The following SCN1A variants were observed in gnomAD, a reference collection of about 807,000 sequenced individuals.
SCN1A encodes sodium channel protein type 1 subunit alpha.
A neutral mutation model predicts 193.7 loss-of-function variants in SCN1A; 13 were observed. The observed-to-expected ratio is 0.07, with a 90% CI of 0.04 to 0.11. The LOEUF is 0.11. Ranked by LOEUF, SCN1A falls within the 10% of genes least tolerant of loss-of-function variation. SCN1A has a pLI of 1.00. For missense variants in SCN1A, 1,432 were observed against 2,451.1 expected, an observed-to-expected ratio of 0.58 and a Z score of 8.78; for synonymous variants, 781 against 843.6, an observed-to-expected ratio of 0.93 and a Z score of 1.29.
Position 166,038,417 on chromosome 2 carries a change from T to C in SCN1A, c.2590-285A>G, listed in dbSNP as rs79990586. Among the ~76,000 whole-genome samples the C allele has an allele frequency of 0.18, 27,447 of 151,966 alleles. 2,815 individuals carry two copies. Among genetic ancestry groups the C allele is most frequent in the East Asian group, 0.33 (1,711 of 5,152 alleles). ...GTGCAGAGGAGTGATCTCGGCTCAC[T>C]GCAACCTCTGCCTCCCAGGTTAAAG... On this transcript the variant is annotated intron_variant, in intron 17 of 28. Transcript: ENST00000674923.
intron 4 of SCN1A, among the ~76,000 whole-genome samples, chr2:166,068,089 A>G (rs1256647364): frequency 6.6e-6 from 1 of 152,214 alleles, no homozygotes; most frequent in East Asian, 1.9e-4. Flanking sequence ...CAGCCTGCAA[A>G]TGAAGCCAGC....
In SCN1A at chr2:166,036,284, G is replaced by C; in HGVS notation, c.3193C>G (p.His1065Asp). Residue 1065 changes from histidine to aspartate, a missense_variant, in exon 19 of 29, where the codon CAT (histidine) becomes GAT (aspartate). Physicochemically the swap from His to Asp is moderately conservative, Grantham distance 81. Transcript: ENST00000674923. ...AGATCTTTCCCAATTTCTGCTGTAT[G>C]ATTGGACATACAACTGTCTTTCTTG... ...NNKKDSCMSNHTAEIGKDLDY... is the reference protein window; with the variant it reads ...NNKKDSCMSNDTAEIGKDLDY... 6.2e-7 allele frequency: 1 copy of C among 1,613,798 alleles called. No homozygotes were observed. The highest frequency in any genetic ancestry group is 8.5e-7 in the Non-Finnish European group (1 of 1,179,804).
At chr2:166,125,603 T>C (rs984286798) in intron 2 of SCN1A, among the ~76,000 whole-genome samples, 24 of 152,192 alleles carry the variant, frequency 1.6e-4, no homozygotes, top group African/African-American at 5.3e-4. Flanking sequence ...TAGTACCCTC[T>C]ATACAAGGAA....
At chr2:165,993,987 A>G in intron 28 of SCN1A, 159 bp downstream of exon 28, 2 of 642,372 alleles carry the variant, frequency 3.1e-6, no homozygotes, top group Admixed American at 5.6e-5. Flanking sequence ...GACATATAGT[A>G]GGAGACATTT....
At position 166,067,700 on chromosome 2, in the gene SCN1A, C is replaced by CTTTTT. The variant is rs5836079; in HGVS notation, c.264+5653_264+5657dup. On this transcript the variant is annotated intron_variant, in intron 4 of 28. Coordinates refer to ENST00000674923, the MANE Select transcript of SCN1A (RefSeq NM_001165963.4). ...TATATATAGCATGTAGAGTACATAG[C>CTTTTT]TTTTTTTTTTTTTTTTGCCTGCTTA... is the stretch of plus-strand genomic sequence containing the variant. Among the ~76,000 whole-genome samples the CTTTTT allele has an allele frequency of 3.0e-3, 381 of 128,322 alleles. 16 individuals are homozygous for CTTTTT. In the East Asian group the frequency reaches 0.035, roughly 12 times the overall value. The allele number at this position is 128,322 out of a possible 152,430, so 84.2% of individuals were successfully genotyped here. A position where few individuals can be genotyped will look rare whatever the true frequency, so the allele number is the denominator to read the frequency against.
chr2:165,993,486 G>C (rs1689573897), intron 28 of SCN1A: 1 of 152,142 alleles, frequency 6.6e-6, no homozygotes, highest in African/African-American at 2.4e-5. Context: ...TAGAGCTTTA[G>C]TTTTGTCTAA....
At chr2:166,094,804 T>TC in intron 2 of SCN1A, among the ~76,000 whole-genome samples, 1 of 152,176 alleles carries the variant, frequency 6.6e-6, no homozygotes, top group African/African-American at 2.4e-5. Context: ...GGTACAGGGC[T>TC]ATCAGAGATG....
At chr2:166,137,167 T>C (rs1691896066) in intron 1 of SCN1A, among the ~76,000 whole-genome samples, 2 of 152,340 alleles carry the variant, frequency 1.3e-5, no homozygotes, top group East Asian at 1.9e-4. Context: ...TGTGAAGGGC[T>C]GGTGGGAACT....
intron 4 of SCN1A, among the ~76,000 whole-genome samples, chr2:166,070,888 C>A (rs895940689): frequency 2.1e-4 from 32 of 152,092 alleles, no homozygotes; most frequent in Admixed American, 1.6e-3. Context: ...AAGGACCCAG[C>A]ATAGGAGCAG....
chr2:166,143,608 T>TATTA (rs1692187220), intron 1 of SCN1A, among the ~76,000 whole-genome samples: 1 of 152,220 alleles, frequency 6.6e-6, no homozygotes, highest in Non-Finnish European at 1.5e-5. Context: ...ATGGCGCTAT[T>TATTA]AAATCTAATC....
At chr2:166,029,522 G>A (rs768032713) in intron 19 of SCN1A, among the ~76,000 whole-genome samples, 24 of 152,096 alleles carry the variant, frequency 1.6e-4, no homozygotes, top group Non-Finnish European at 2.4e-4. Context: ...TGCTTAGGTT[G>A]GAGATTGTCG....
At chr2:166,031,731 T>A (rs1398460224) in intron 19 of SCN1A, among the ~76,000 whole-genome samples, 2 of 152,140 alleles carry the variant, frequency 1.3e-5, no homozygotes, top group African/African-American at 4.8e-5. Flanking sequence ...ATTTACCAGA[T>A]ATTCTATATT....
intron 2 of SCN1A, among the ~76,000 whole-genome samples, chr2:166,117,541 G>C (rs1420708321): frequency 1.3e-5 from 2 of 152,152 alleles, no homozygotes; most frequent in Non-Finnish European, 2.9e-5. Flanking sequence ...GTTAAGGCTA[G>C]GGGTTTCATT....
intron 26 of SCN1A, chr2:165,996,337 T>G: frequency 5.2e-6 from 2 of 383,612 alleles, no homozygotes; most frequent in South Asian, 2.8e-5. Context: ...TATTATCTTA[T>G]GAAGACAAAC....
At chr2:166,061,285 G>T (rs1683280690) in intron 4 of SCN1A, among the ~76,000 whole-genome samples, 1 of 152,142 alleles carries the variant, frequency 6.6e-6, no homozygotes, top group Non-Finnish European at 1.5e-5. Context: ...AGATCTAAAA[G>T]AAGGGAGGGG....
intron 7 of SCN1A, among the ~76,000 whole-genome samples, chr2:166,053,496 A>G (rs76170508): frequency 0.015 from 2,298 of 152,180 alleles, 20 homozygotes; most frequent in Middle Eastern, 0.044. Flanking sequence ...TATATGAGAT[A>G]AGATTTTCCT....
chr2:166,052,711 G>C (rs1574270712), intron 8 of SCN1A, 141 bp downstream of exon 8: 2 of 783,492 alleles, frequency 2.6e-6, no homozygotes, highest in Admixed American at 2.0e-5. Flanking sequence ...GGCTGATAAA[G>C]CTTATGTCTA....
intron 23 of SCN1A, among the ~76,000 whole-genome samples, chr2:166,008,079 G>A (rs1211696511): frequency 2.0e-5 from 3 of 151,150 alleles, no homozygotes; most frequent in Non-Finnish European, 4.4e-5. Context: ...TAAACTATTA[G>A]TTATATCACT....
At chr2:166,050,937 C>A in intron 9 of SCN1A, among the ~76,000 whole-genome samples, 1 of 151,728 alleles carries the variant, frequency 6.6e-6, no homozygotes, top group Non-Finnish European at 1.5e-5. Context: ...CACTCTGAAG[C>A]CATGCATTAC....
Sources: gnomAD v4.1 joint callset for allele counts (sites outside exome capture counted in the v4.1 genomes callset) on GRCh38, gnomAD v4.1.1 for gene constraint, MANE v1.5 for transcripts, NCBI Gene and HGNC (gene_info 2026-07-23, HGNC 2026-07-21) for gene names.